HORMAD1: variants seen among roughly 807,000 people sequenced by gnomAD.
The protein encoded by HORMAD1 is HORMA domain-containing protein 1.
HORMAD1 carries 33 observed loss-of-function variants against 58.2 expected under a neutral mutation model. That is an observed-to-expected ratio of 0.57 (90% CI 0.43 to 0.76). The LOEUF (loss-of-function observed/expected upper bound fraction) is 0.76, where lower values mean the gene tolerates loss of function less well. HORMAD1 is among the 30% of genes least tolerant of loss of function. HORMAD1 has a pLI of 0.00. For synonymous variants in HORMAD1, 137 were observed against 144.6 expected, an observed-to-expected ratio of 0.95 and a Z score of 0.38; for missense variants, 363 against 462.0, an observed-to-expected ratio of 0.79 and a Z score of 1.96.
intron 1 of HORMAD1, among the ~76,000 whole-genome samples, chr1:150,720,383 A>G (rs1652214578): frequency 6.6e-6 from 1 of 151,616 alleles, no homozygotes; most frequent in Admixed American, 6.6e-5. Flanking sequence ...TTCTATTTTT[A>G]GTGGAGACGG....
chr1:150,698,870 T>C, intron 14 of HORMAD1, 136 bp from the exon 15 acceptor site: 1 of 525,266 alleles, frequency 1.9e-6, no homozygotes, highest in South Asian at 3.2e-5. Flanking sequence ...TAACTATATC[T>C]GGGTTTCTTA....
At chr1:150,708,144 T>C (rs1651755197) in intron 9 of HORMAD1, 112 bp downstream of exon 9, 1 of 775,716 alleles carries the variant, frequency 1.3e-6, no homozygotes, top group Non-Finnish European at 2.0e-6. Context: ...TAAGTGTAAA[T>C]TTTATAATTT....
chr1:150,714,688 A>G lies in HORMAD1; in HGVS notation c.179-10T>C. Reference sequence around the variant, plus strand: ...ATTTTGACACAAAGATCTAAACACAAAAATGATGAAATATAGAGTTACTTA... The same window carrying G: ...ATTTTGACACAAAGATCTAAACACAGAAATGATGAAATATAGAGTTACTTA... On this transcript the variant is annotated splice_polypyrimidine_tract_variant and intron_variant, in intron 3 of 14. Coordinates refer to ENST00000361824, the MANE Select transcript of HORMAD1 (RefSeq NM_032132.5). 1 of 1,403,814 alleles carries G rather than the reference A, an allele frequency of 7.1e-7. No individual in the cohort carries two copies. Among genetic ancestry groups the G allele is most frequent in the Non-Finnish European group, 9.8e-7 (1 of 1,022,604 alleles). The allele number at this position is 1,403,814 out of a possible 1,614,324, so 87.0% of individuals were successfully genotyped here. A position where few individuals can be genotyped will look rare whatever the true frequency, so the allele number is the denominator to read the frequency against.
chr1:150,718,712 C>T (rs374933399), intron 2 of HORMAD1, among the ~76,000 whole-genome samples: 7 of 152,152 alleles, frequency 4.6e-5, no homozygotes, highest in Middle Eastern at 3.4e-3. Context: ...GCAACCTCCC[C>T]CTTCTGAGTT....
intron 5 of HORMAD1, 74 bp from the exon 6 acceptor site, chr1:150,711,927 C>G: frequency 3.9e-6 from 4 of 1,019,532 alleles, no homozygotes; most frequent in Non-Finnish European, 6.0e-6. Flanking sequence ...CATAAGAATT[C>G]TTTGTCCTAT....
chr1:150,717,131 G>A lies in HORMAD1; in HGVS notation c.178+7C>T. The stretch of plus-strand genomic sequence containing the variant: ...AAAAGAAAGCTTTAAAATAAATATT[G>A]TATTACCATCTAGATATCTTGTTCC... On this transcript the variant is annotated splice_region_variant and intron_variant, in intron 3 of 14. Transcript: ENST00000361824. The A allele has an allele frequency of 2.7e-6, 4 of 1,508,748 alleles. No individual in the cohort carries two copies. Among genetic ancestry groups the A allele is most frequent in the South Asian group, 2.5e-5 (2 of 80,324 alleles). 93.5% of individuals were successfully genotyped at this position (1,508,748 alleles called of 1,614,324 possible).
chr1:150,703,464 G>T, intron 12 of HORMAD1, 71 bp from the exon 13 acceptor site: 1 of 820,580 alleles, frequency 1.2e-6, no homozygotes, highest in Non-Finnish European at 1.9e-6. Flanking sequence ...AATAAATGGG[G>T]TCCAAAAATT....
rs116627073 is a variant in HORMAD1 at position 150,700,613 on chromosome 1, T to C, written c.1033-430A>G. On this transcript the variant is annotated intron_variant, in intron 13 of 14. Coordinates refer to ENST00000361824, the MANE Select transcript of HORMAD1 (RefSeq NM_032132.5). ...TTCATCACCCCACAAACAAACCCCA[T>C]ATACCTTAGCTATCACTCTCTTATT... is the stretch of plus-strand genomic sequence containing the variant. Among the ~76,000 whole-genome samples, 922 of 152,266 alleles carry C rather than the reference T, an allele frequency of 6.1e-3. 10 individuals carry two copies. The highest frequency in any genetic ancestry group is 7.3e-3 in the Non-Finnish European group (494 of 68,004).
intron 3 of HORMAD1, among the ~76,000 whole-genome samples, chr1:150,715,840 C>T (rs998060120): frequency 2.6e-5 from 4 of 151,812 alleles, no homozygotes; most frequent in African/African-American, 7.3e-5. Context: ...TAAAATTATA[C>T]TTGAGAAACT....
intron 5 of HORMAD1, among the ~76,000 whole-genome samples, chr1:150,712,163 C>A (rs1322150769): frequency 6.6e-6 from 1 of 151,520 alleles, no homozygotes; most frequent in African/African-American, 2.4e-5. Context: ...TGAAATAACA[C>A]AATATATGTG....
chr1:150,704,151 T>C lies in HORMAD1; in HGVS notation c.915A>G (p.Lys305=). Reference sequence around the variant, plus strand: ...GAGAAATAGAAAGATCTGGACTTTCTTTAGACCTCATAATTTCATCTTCCT... The same window carrying C: ...GAGAAATAGAAAGATCTGGACTTTCCTTAGACCTCATAATTTCATCTTCCT... The part of the protein sequence containing the change: ...VCEEDEIMRS[K]ESPDLSISHS... The change falls in exon 12 of 15, where the codon AAA becomes AAG. Residue 305 remains lysine (K), a synonymous_variant. Coordinates refer to ENST00000361824, the MANE Select transcript of HORMAD1 (RefSeq NM_032132.5). 1 of 1,596,692 alleles carries C rather than the reference T, an allele frequency of 6.3e-7. No homozygotes were observed. Among genetic ancestry groups the C allele is most frequent in the East Asian group, 2.2e-5 (1 of 44,720 alleles).
In HORMAD1 at chr1:150,698,500, G is replaced by A. The variant is rs1221743334; in HGVS notation, c.*154C>T. ...TCTATTGGATTTATCTCAAGATTAA[G>A]GACCACAATATGACAGTCAGCCAAA... On this transcript the variant is annotated 3_prime_UTR_variant, in exon 15 of 15. Coordinates refer to ENST00000361824, the MANE Select transcript of HORMAD1 (RefSeq NM_032132.5). 7.1e-6 allele frequency: 3 copies of A among 421,342 alleles called. No homozygotes were observed. Among genetic ancestry groups the A allele is most frequent in the Non-Finnish European group, 8.6e-6 (2 of 232,112 alleles). The allele number at this position is 421,342 out of a possible 1,614,324, so 26.1% of individuals were successfully genotyped here.
At chr1:150,705,907 G>A (rs886717106) in intron 10 of HORMAD1, among the ~76,000 whole-genome samples, 1 of 152,122 alleles carries the variant, frequency 6.6e-6, no homozygotes, top group Admixed American at 6.6e-5. Flanking sequence ...GAGATTAAAG[G>A]ACATAATGTT....
intron 9 of HORMAD1, among the ~76,000 whole-genome samples, chr1:150,707,119 T>A (rs1651719721): frequency 6.6e-6 from 1 of 152,286 alleles, no homozygotes; most frequent in African/African-American, 2.4e-5. Context: ...AAATAAAGTG[T>A]CGTAAAATGT....
chr1:150,703,444 T>C, intron 12 of HORMAD1, 51 bp from the exon 13 acceptor site: 1 of 998,708 alleles, frequency 1.0e-6, no homozygotes, highest in Non-Finnish European at 1.5e-6. Context: ...ATAAAACCTT[T>C]TCATAACACA....
chr1:150,702,700 C>A (rs1651572950), intron 13 of HORMAD1, among the ~76,000 whole-genome samples: 2 of 152,048 alleles, frequency 1.3e-5, no homozygotes, highest in South Asian at 4.2e-4. Flanking sequence ...ACAATGAGAA[C>A]ACATGGACAC....
intron 5 of HORMAD1, 41 bp from the exon 6 acceptor site, chr1:150,711,894 TA>T: frequency 7.4e-7 from 1 of 1,357,014 alleles, no homozygotes; most frequent in African/African-American, 1.4e-5. Context: ...TTGTAGTCTA[TA>T]AAATAATTTT....
At chr1:150,704,227 A>C in intron 11 of HORMAD1, 33 bp from the exon 12 acceptor site, 1 of 1,558,272 alleles carries the variant, frequency 6.4e-7, no homozygotes, top group South Asian at 1.2e-5. Flanking sequence ...TTACCCGGGT[A>C]TAAAATTGAG....
intron 7 of HORMAD1, 57 bp downstream of exon 7, chr1:150,711,488 G>A (rs920294604): frequency 1.1e-5 from 12 of 1,097,414 alleles, no homozygotes; most frequent in Admixed American, 1.1e-4. Flanking sequence ...ATTATGTTTC[G>A]TGTTATTTTT....
Sources: gnomAD v4.1 joint callset for allele counts (sites outside exome capture counted in the v4.1 genomes callset) on GRCh38, gnomAD v4.1.1 for gene constraint, MANE v1.5 for transcripts, NCBI Gene and HGNC (gene_info 2026-07-23, HGNC 2026-07-21) for gene names.